Variants in TENM4 observed in about 807,000 individuals in gnomAD.
TENM4 encodes teneurin transmembrane protein 4, also known as teneurin-4.
TENM4 carries 82 observed loss-of-function variants against 243.3 expected under a neutral mutation model. That is an observed-to-expected ratio of 0.34 (90% CI 0.28 to 0.40). The LOEUF (loss-of-function observed/expected upper bound fraction) is 0.40, where lower values mean the gene tolerates loss of function less well. TENM4 is among the 10% of genes least tolerant of loss of function. The pLI, the probability that TENM4 is intolerant of heterozygous loss-of-function variation, is 1.00. For synonymous variants in TENM4, 1,412 were observed against 1,456.3 expected, an observed-to-expected ratio of 0.97 and a Z score of 0.69; for missense variants, 3,138 against 3,673.3, an observed-to-expected ratio of 0.85 and a Z score of 3.77.
intron 1 of TENM4, among the ~76,000 whole-genome samples, chr11:79,360,116 T>A (rs952190654): frequency 7.2e-5 from 11 of 152,218 alleles, no homozygotes; most frequent in African/African-American, 2.7e-4. Flanking sequence ...TATGGTACTT[T>A]GTGCAGTTGG....
chr11:78,809,755 T>C (rs1219666575), intron 14 of TENM4, among the ~76,000 whole-genome samples: 1 of 152,170 alleles, frequency 6.6e-6, no homozygotes, highest in Non-Finnish European at 1.5e-5. Context: ...AATAGTTACC[T>C]TTTTTCCCCT....
chr11:78,879,889 C>T (rs535865912), intron 9 of TENM4, among the ~76,000 whole-genome samples: 69 of 152,074 alleles, frequency 4.5e-4, no homozygotes, highest in East Asian at 1.2e-3. Flanking sequence ...CTGGCTGCCC[C>T]GTCTGGGAAG....
chr11:79,226,426 C>T (rs1208861864), intron 2 of TENM4, among the ~76,000 whole-genome samples: 1 of 152,216 alleles, frequency 6.6e-6, no homozygotes, highest in Non-Finnish European at 1.5e-5. Context: ...TCTCAGACTT[C>T]AGCTGAAGGC....
chr11:79,018,472 C>T (rs115913935), intron 6 of TENM4, among the ~76,000 whole-genome samples: 3 of 152,006 alleles, frequency 2.0e-5, no homozygotes, highest in Non-Finnish European at 4.4e-5. Context: ...ACACACATCC[C>T]CCCACACACA....
intron 29 of TENM4, among the ~76,000 whole-genome samples, chr11:78,677,505 T>G (rs939601575): frequency 6.6e-5 from 10 of 152,134 alleles, no homozygotes; most frequent in Admixed American, 5.2e-4. Context: ...TCCTTCCACC[T>G]TAGCCTCCAA....
At chr11:78,912,673 G>A (rs1856217251) in intron 6 of TENM4, among the ~76,000 whole-genome samples, 1 of 152,214 alleles carries the variant, frequency 6.6e-6, no homozygotes, top group Non-Finnish European at 1.5e-5. Flanking sequence ...GATAGGACTG[G>A]GGGAGAGTGC....
chr11:79,434,607 G>T (rs1255710817), intron 1 of TENM4, among the ~76,000 whole-genome samples: 2 of 152,182 alleles, frequency 1.3e-5, no homozygotes, highest in Non-Finnish European at 2.9e-5. Context: ...AAGAATTTGT[G>T]TATCAGTTCA....
intron 1 of TENM4, among the ~76,000 whole-genome samples, chr11:79,310,851 C>CA (rs1355938526): frequency 6.6e-6 from 1 of 152,106 alleles, no homozygotes; most frequent in African/African-American, 2.4e-5. Context: ...AAATAAAATG[C>CA]AAAAACAGAG....
At chr11:79,131,150 C>A (rs1861995240) in intron 4 of TENM4, among the ~76,000 whole-genome samples, 1 of 152,268 alleles carries the variant, frequency 6.6e-6, no homozygotes, top group South Asian at 2.1e-4. Flanking sequence ...TGCTAGAGAA[C>A]TGAGCCATCC....
At chr11:79,154,632 G>C (rs1157924481) in intron 3 of TENM4, among the ~76,000 whole-genome samples, 1 of 152,120 alleles carries the variant, frequency 6.6e-6, no homozygotes, top group Non-Finnish European at 1.5e-5. Flanking sequence ...TGCTCAAGGA[G>C]TAAGTGCCGT....
chr11:79,404,523 C>G lies in TENM4; in HGVS notation c.-321+35986G>C, dbSNP rs963663570. On this transcript the variant is annotated intron_variant, in intron 1 of 33. Coordinates refer to ENST00000278550, the MANE Select transcript of TENM4 (RefSeq NM_001098816.3). Reference sequence around the variant, plus strand: ...GCTGTGATGCAATGTCTTGGACCTACATAGAGGCGATGGTTGCACAACACT... The same window carrying G: ...GCTGTGATGCAATGTCTTGGACCTAGATAGAGGCGATGGTTGCACAACACT... Among the ~76,000 whole-genome samples, 12 of 152,298 alleles carry G rather than the reference C, an allele frequency of 7.9e-5. 1 individual carries two copies. The highest frequency in any genetic ancestry group is 3.9e-4 in the Admixed American group (6 of 15,302).
intron 4 of TENM4, among the ~76,000 whole-genome samples, chr11:79,079,550 C>T (rs1451764892): frequency 6.6e-6 from 1 of 152,200 alleles, no homozygotes; most frequent in East Asian, 1.9e-4. Flanking sequence ...ATGTGTTAGG[C>T]TGGGCACGGT....
intron 28 of TENM4, among the ~76,000 whole-genome samples, chr11:78,691,828 T>C (rs555273649): frequency 6.6e-6 from 1 of 152,322 alleles, no homozygotes; most frequent in East Asian, 1.9e-4. Flanking sequence ...TTATAAAATT[T>C]TCTTGTCTCC....
chr11:78,948,044 C>T (rs546985693), intron 6 of TENM4, among the ~76,000 whole-genome samples: 3 of 152,196 alleles, frequency 2.0e-5, no homozygotes, highest in Non-Finnish European at 4.4e-5. Flanking sequence ...TGTCCAGTCT[C>T]TAGCCAATCT....
chr11:78,776,642 A>T (rs1241613978), intron 17 of TENM4, among the ~76,000 whole-genome samples: 1 of 152,220 alleles, frequency 6.6e-6, no homozygotes, highest in African/African-American at 2.4e-5. Context: ...AGTATCCATT[A>T]TACCAAAATA....
intron 12 of TENM4, among the ~76,000 whole-genome samples, chr11:78,832,823 C>A (rs1858013688): frequency 6.6e-6 from 1 of 152,194 alleles, no homozygotes; most frequent in Non-Finnish European, 1.5e-5. Flanking sequence ...TCCTCTGAAC[C>A]CGTACAACAG....
chr11:78,748,729 T>A (rs931331231), intron 19 of TENM4, among the ~76,000 whole-genome samples: 3 of 152,186 alleles, frequency 2.0e-5, no homozygotes, highest in Non-Finnish European at 2.9e-5. Context: ...AGTCCCTATA[T>A]CATAGGGTCT....
chr11:79,033,096 C>T (rs1859287416), intron 6 of TENM4, among the ~76,000 whole-genome samples: 1 of 152,102 alleles, frequency 6.6e-6, no homozygotes, highest in African/African-American at 2.4e-5. Context: ...CCCCACTCCT[C>T]AGGGAAGAAC....
Position 79,306,273 on chromosome 11 carries a change from CAA to C in TENM4, c.-320-8732_-320-8731del, listed in dbSNP as rs1856624858. ...CCAAAGCTGAGTGCTGGAAAATGCT[CAA>C]GAGAGGGCTGAGTGACAGTGTTCCA... On this transcript the variant is annotated intron_variant, in intron 1 of 33. Transcript: ENST00000278550. Among the ~76,000 whole-genome samples the C allele has an allele frequency of 2.0e-5, 3 of 152,238 alleles. No individual in the cohort carries two copies. The South Asian group carries it at 6.2e-4, about 32-fold the overall frequency.
Sources: gnomAD v4.1 joint callset for allele counts (sites outside exome capture counted in the v4.1 genomes callset) on GRCh38, gnomAD v4.1.1 for gene constraint, MANE v1.5 for transcripts, NCBI Gene and HGNC (gene_info 2026-07-23, HGNC 2026-07-21) for gene names.